The following LARGE1 variants were observed in gnomAD, a reference collection of about 807,000 sequenced individuals.
LARGE1 encodes the protein LARGE xylosyl- and glucuronyltransferase 1, also known as xylosyl- and glucuronyltransferase LARGE1.
In LARGE1, 43 loss-of-function variants were observed where a neutral mutation model predicts 87.6. The ratio of observed to expected loss-of-function variants is 0.49; its 90% CI spans 0.38 to 0.63. The LOEUF (loss-of-function observed/expected upper bound fraction) is 0.63, where lower values mean the gene tolerates loss of function less well. Among genes scored for constraint, LARGE1 ranks in the 30% least tolerant of loss-of-function variants. The pLI, the probability that LARGE1 is intolerant of heterozygous loss-of-function variation, is 0.00. For synonymous variants in LARGE1, 434 were observed against 394.6 expected (o/e 1.10, Z -1.18); for missense variants, 802 against 1,000.2 (o/e 0.80, Z 2.67).
chr22:33,526,136 G>A (rs1415728290), intron 6 of LARGE1, among the ~76,000 whole-genome samples: 1 of 152,098 alleles, frequency 6.6e-6, no homozygotes, highest in Non-Finnish European at 1.5e-5. Context: ...CTACAATATG[G>A]ACTAACCTTG....
At chr22:33,899,660 T>C (rs1004647352) in intron 1 of LARGE1, among the ~76,000 whole-genome samples, 1 of 152,180 alleles carries the variant, frequency 6.6e-6, no homozygotes, top group Admixed American at 6.5e-5. Flanking sequence ...AGTACAGTGC[T>C]TGGCATATAA....
intron 10 of LARGE1, among the ~76,000 whole-genome samples, chr22:33,321,298 A>G (rs1004570676): frequency 2.6e-5 from 4 of 152,224 alleles, no homozygotes; most frequent in African/African-American, 4.8e-5. Flanking sequence ...AGGAGACTGT[A>G]TGGCAAGATC....
Position 33,464,730 on chromosome 22 carries a change from C to A in LARGE1, c.788-32465G>T, listed in dbSNP as rs144240633. Reference sequence around the variant, plus strand: ...AATAAGAACTGGTTAAGATGGGTGGCAATAAGAACTCTTCATCACTAGTAG... The same window carrying A: ...AATAAGAACTGGTTAAGATGGGTGGAAATAAGAACTCTTCATCACTAGTAG... On this transcript the variant is annotated intron_variant, in intron 6 of 14. Coordinates refer to ENST00000397394, the MANE Select transcript of LARGE1 (RefSeq NM_133642.5). 3.4e-4 allele frequency among the ~76,000 whole-genome samples: 51 copies of A among 152,170 alleles called. 2 individuals are homozygous for A. In the East Asian group the frequency reaches 9.3e-3, roughly 28 times the overall value.
intron 2 of LARGE1, among the ~76,000 whole-genome samples, chr22:33,700,227 A>T (rs1321247439): frequency 6.6e-6 from 1 of 152,162 alleles, no homozygotes. Flanking sequence ...CTGCTAACTC[A>T]GACACTTGGG....
chr22:33,189,928 C>A (rs1031666545), intron 11 of LARGE1, among the ~76,000 whole-genome samples: 6 of 152,176 alleles, frequency 3.9e-5, no homozygotes, highest in Non-Finnish European at 8.8e-5. Context: ...GCTTTTGATA[C>A]CAGAATTCAC....
chr22:33,633,890 G>C (rs1360903873), intron 3 of LARGE1, among the ~76,000 whole-genome samples: 1 of 152,182 alleles, frequency 6.6e-6, no homozygotes, highest in East Asian at 1.9e-4. Flanking sequence ...CAGGGGCAAC[G>C]TAGTGTGCAA....
the LARGE1 span, among the ~76,000 whole-genome samples, chr22:33,099,647 T>G: frequency 1.3e-5 from 2 of 152,238 alleles, no homozygotes; most frequent in Admixed American, 6.5e-5. Flanking sequence ...GAAGGTTATA[T>G]TATGTTTCCT....
intron 1 of LARGE1, among the ~76,000 whole-genome samples, chr22:33,805,233 T>C (rs1179674204): frequency 6.6e-6 from 1 of 152,108 alleles, no homozygotes; most frequent in Non-Finnish European, 1.5e-5. Flanking sequence ...TCCCAACACT[T>C]TGGCCACTAC....
chr22:33,382,407 C>T (rs2147117417), intron 8 of LARGE1, among the ~76,000 whole-genome samples: 1 of 152,270 alleles, frequency 6.6e-6, no homozygotes, highest in South Asian at 2.1e-4. Flanking sequence ...CCCTGTGTTA[C>T]CCATCCTGAG....
At chr22:33,266,054 T>C (rs1927914073) in intron 11 of LARGE1, among the ~76,000 whole-genome samples, 1 of 151,900 alleles carries the variant, frequency 6.6e-6, no homozygotes, top group African/African-American at 2.4e-5. Context: ...GATTCCTTAA[T>C]CTTGTGTTTA....
chr22:33,654,372 C>T lies in LARGE1; in HGVS notation c.107-3704G>A, dbSNP rs371609903. 2.9e-4 allele frequency among the ~76,000 whole-genome samples: 44 copies of T among 152,288 alleles called. No homozygotes were observed. The South Asian group carries it at 3.7e-3, about 13-fold the overall frequency. ...CAAGCCAGTTTTGCCTTCTGAAAGGCGGGGCCCTGGAGATGTGCTCCGAGT... is the reference window on the plus strand; with the variant it reads ...CAAGCCAGTTTTGCCTTCTGAAAGGTGGGGCCCTGGAGATGTGCTCCGAGT... On this transcript the variant is annotated intron_variant, in intron 2 of 14. Transcript: ENST00000397394.
chr22:33,913,591 T>C (rs1251591063), intron 1 of LARGE1, among the ~76,000 whole-genome samples: 1 of 152,206 alleles, frequency 6.6e-6, no homozygotes, highest in Admixed American at 6.5e-5. Flanking sequence ...TTCCCCAGGC[T>C]GGAGTGCAGT....
At chr22:33,760,878 C>T (rs1237690919) in intron 2 of LARGE1, among the ~76,000 whole-genome samples, 3 of 152,114 alleles carry the variant, frequency 2.0e-5, no homozygotes, top group Admixed American at 6.5e-5. Context: ...CACAATCGCG[C>T]CACTGCACTC....
chr22:33,741,574 G>T, intron 2 of LARGE1, among the ~76,000 whole-genome samples: 1 of 152,224 alleles, frequency 6.6e-6, no homozygotes. Context: ...GCCAACAACT[G>T]CACCCAACAC....
In LARGE1 at chr22:33,243,663, T is replaced by C. The variant is rs1367150713; in HGVS notation, c.1730+60566A>G. On this transcript the variant is annotated intron_variant, in intron 11 of 11. Coordinates refer to the LARGE1 transcript ENST00000608642. ...GTTCATTTGTTGTTGGACAGTTGGGTTGTTTCCAGTTTCAGGCTTTCCTGA... is the reference window on the plus strand; with the variant it reads ...GTTCATTTGTTGTTGGACAGTTGGGCTGTTTCCAGTTTCAGGCTTTCCTGA... Among the ~76,000 whole-genome samples, 8 of 152,342 alleles carry C rather than the reference T, an allele frequency of 5.3e-5. No individual in the cohort carries two copies. In the East Asian group the frequency reaches 1.4e-3, roughly 26 times the overall value.
chr22:33,830,869 G>A (rs1436862160), intron 1 of LARGE1, among the ~76,000 whole-genome samples: 4 of 152,180 alleles, frequency 2.6e-5, no homozygotes, highest in Admixed American at 2.6e-4. Context: ...TAGAAGAAGA[G>A]GTGAGGGAGC....
intron 6 of LARGE1, among the ~76,000 whole-genome samples, chr22:33,494,622 C>A (rs1269646611): frequency 1.3e-5 from 2 of 152,180 alleles, no homozygotes; most frequent in Non-Finnish European, 2.9e-5. Context: ...ATTTTCCCAA[C>A]TGATATTCAC....
chr22:33,515,512 C>T (rs1344796651), intron 6 of LARGE1, among the ~76,000 whole-genome samples: 1 of 152,136 alleles, frequency 6.6e-6, no homozygotes, highest in Non-Finnish European at 1.5e-5. Context: ...AATGAATGAA[C>T]TCATTTTCAC....
the LARGE1 span, among the ~76,000 whole-genome samples, chr22:33,068,422 G>A: frequency 1.3e-5 from 2 of 152,164 alleles, no homozygotes; most frequent in African/African-American, 4.8e-5. Context: ...GAGGTGGGCA[G>A]ATCACGAGGT....
Sources: gnomAD v4.1 joint callset for allele counts (sites outside exome capture counted in the v4.1 genomes callset) on GRCh38, gnomAD v4.1.1 for gene constraint, MANE v1.5 for transcripts, NCBI Gene and HGNC (gene_info 2026-07-23, HGNC 2026-07-21) for gene names.